The following PLEKHM2 variants were observed in gnomAD, a reference collection of about 807,000 sequenced individuals.
The protein encoded by PLEKHM2 is pleckstrin homology and RUN domain containing M2.
Under a neutral mutation model 116.3 loss-of-function variants are expected in PLEKHM2, and 77 were observed. The ratio of observed to expected loss-of-function variants is 0.66; its 90% confidence interval spans 0.55 to 0.80. PLEKHM2 has a LOEUF of 0.80. PLEKHM2 is among the 30% of genes least tolerant of loss of function. The pLI is 0.00. For synonymous variants in PLEKHM2, 562 were observed against 571.0 expected, an observed-to-expected ratio of 0.98 and a Z score of 0.22; for missense variants, 1,183 against 1,354.9, an observed-to-expected ratio of 0.87 and a Z score of 1.99.
Position 15,729,089 on chromosome 1 carries a change from T to A in PLEKHM2, c.1987-13T>A. ...TAAGCCCCAAGTGCATGTCACGGTG[T>A]GGTTTCTGGCAGGTTGGCCTTGACC... is the stretch of plus-strand genomic sequence containing the variant. On this transcript the variant is annotated splice_polypyrimidine_tract_variant and intron_variant, in intron 12 of 19. Coordinates refer to ENST00000375799, the MANE Select transcript of PLEKHM2 (RefSeq NM_015164.4). The surrounding 1 kb of genome is among the most constrained non-coding windows in gnomAD (Gnocchi z 4.7). 6.2e-7 allele frequency: 1 copy of A among 1,602,620 alleles called. No individual in the cohort carries two copies. The highest frequency in any genetic ancestry group is 8.5e-7 in the Non-Finnish European group (1 of 1,174,638).
intron 7 of PLEKHM2, among the ~76,000 whole-genome samples, chr1:15,724,858 C>T (rs566147978): frequency 6.6e-6 from 1 of 152,164 alleles, no homozygotes; most frequent in African/African-American, 2.4e-5. Flanking sequence ...CTCAGCCCTA[C>T]AAGTGGGGTA....
At chr1:15,726,052 G>A (rs1474511423) in intron 8 of PLEKHM2, among the ~76,000 whole-genome samples, 1 of 152,108 alleles carries the variant, frequency 6.6e-6, no homozygotes, top group African/African-American at 2.4e-5. Flanking sequence ...TCACTCCATT[G>A]TAGGGCTCAA....
At chr1:15,717,377 A>G (rs1286052333) in intron 3 of PLEKHM2, among the ~76,000 whole-genome samples, 1 of 152,170 alleles carries the variant, frequency 6.6e-6, no homozygotes, top group African/African-American at 2.4e-5. Context: ...TCACACCACT[A>G]TACTCCAGCC....
At chr1:15,717,726 C>A (rs1365978073) in intron 3 of PLEKHM2, among the ~76,000 whole-genome samples, 167 bp from the exon 4 acceptor site, 2 of 152,224 alleles carry the variant, frequency 1.3e-5, no homozygotes. Context: ...TGAGGTCTGA[C>A]TAGGAAAATA....
At chr1:15,724,735 T>C (rs888196212) in intron 7 of PLEKHM2, among the ~76,000 whole-genome samples, 2 of 152,194 alleles carry the variant, frequency 1.3e-5, no homozygotes, top group African/African-American at 2.4e-5. Flanking sequence ...TCCTGTCTCC[T>C]AGCCTCTGCC....
At chr1:15,686,359 C>G (rs1640768344) in intron 1 of PLEKHM2, among the ~76,000 whole-genome samples, 2 of 152,166 alleles carry the variant, frequency 1.3e-5, no homozygotes, top group Admixed American at 1.3e-4. Flanking sequence ...GAATCCCCGC[C>G]CTGCCAAATT....
At chr1:15,701,512 G>A (rs937308122) in intron 1 of PLEKHM2, among the ~76,000 whole-genome samples, 7 of 152,042 alleles carry the variant, frequency 4.6e-5, no homozygotes, top group African/African-American at 1.4e-4. Flanking sequence ...CCAGCTGGCC[G>A]GGCACGGTGG....
chr1:15,692,638 GTGTTGCTAAGGC>G (rs1640911100), intron 1 of PLEKHM2, among the ~76,000 whole-genome samples: 1 of 152,162 alleles, frequency 6.6e-6, no homozygotes, highest in African/African-American at 2.4e-5. Flanking sequence ...GAGTCTCCCT[GTGTTGCTAAGGC>G]TGGTCTTGAA....
In PLEKHM2 at chr1:15,729,280, A is replaced by G; in HGVS notation, c.2075+90A>G. 2 of 1,050,094 alleles carry G rather than the reference A, an allele frequency of 1.9e-6. No individual in the cohort carries two copies. The highest frequency in any genetic ancestry group is 2.0e-5 in the Admixed American group (1 of 50,350). 65.0% of individuals were successfully genotyped at this position (1,050,094 alleles called of 1,614,324 possible). On this transcript the variant is annotated intron_variant, in intron 13 of 19. Transcript: ENST00000375799. This position sits in a 1 kb window ranked among gnomAD's most constrained non-coding sequence, Gnocchi z 4.7. ...GCCTGGGGGTCAGGGGTGGAGGTGG[A>G]AAGTGGGAGATCCAGGAGGGGAAAC...
At chr1:15,701,010 G>A (rs907750489) in intron 1 of PLEKHM2, among the ~76,000 whole-genome samples, 1 of 151,844 alleles carries the variant, frequency 6.6e-6, no homozygotes, top group Non-Finnish European at 1.5e-5. Flanking sequence ...CTACTCAGGA[G>A]GCTGAGGCAG....
In PLEKHM2 at chr1:15,729,042, G is replaced by A; in HGVS notation, c.1987-60G>A. 6.7e-7 allele frequency: 1 copy of A among 1,484,156 alleles called. No individual in the cohort carries two copies. Among genetic ancestry groups the A allele is most frequent in the Non-Finnish European group, 9.2e-7 (1 of 1,083,302 alleles). 91.9% of individuals were successfully genotyped at this position (1,484,156 alleles called of 1,614,324 possible). A position where few individuals can be genotyped will look rare whatever the true frequency, so the allele number is the denominator to read the frequency against. On this transcript the variant is annotated intron_variant, in intron 12 of 19. Coordinates refer to ENST00000375799, the MANE Select transcript of PLEKHM2 (RefSeq NM_015164.4). The surrounding 1 kb of genome is among the most constrained non-coding windows in gnomAD (Gnocchi z 4.7). The stretch of plus-strand genomic sequence containing the variant: ...AGCAAGCGCTCAGCCTGGCCAAGCT[G>A]CCTTCTCCGCCAGGCAGCAGCTAAG...
At position 15,721,620 on chromosome 1, in the gene PLEKHM2, G is replaced by A. The variant is rs1271012775; in HGVS notation, c.712+232G>A. ...TCCTGCCTTTGCTCAGTGGCCTTTC[G>A]GAGTCACTAAGTGGCTGCATTTCGG... On this transcript the variant is annotated intron_variant, in intron 7 of 19. Coordinates refer to ENST00000375799, the MANE Select transcript of PLEKHM2 (RefSeq NM_015164.4). The surrounding 1 kb of genome is among the most constrained non-coding windows in gnomAD (Gnocchi z 5.1). 1.3e-5 allele frequency among the ~76,000 whole-genome samples: 2 copies of A among 152,056 alleles called. No homozygotes were observed. The highest frequency in any genetic ancestry group is 1.5e-5 in the Non-Finnish European group (1 of 68,012).
chr1:15,694,535 T>C (rs978214416), intron 1 of PLEKHM2, among the ~76,000 whole-genome samples: 3 of 152,048 alleles, frequency 2.0e-5, no homozygotes, highest in Non-Finnish European at 4.4e-5. Flanking sequence ...TCCTCCTTGG[T>C]GTTGCTCATT....
intron 1 of PLEKHM2, among the ~76,000 whole-genome samples, chr1:15,686,501 G>A (rs188642846): frequency 5.3e-5 from 8 of 152,198 alleles, no homozygotes; most frequent in Admixed American, 5.2e-4. Flanking sequence ...TTGTTTTTGA[G>A]ACAGAGTCTT....
In PLEKHM2 at chr1:15,728,630, G is replaced by A. The variant is rs368906492; in HGVS notation, c.1922-39G>A. On this transcript the variant is annotated intron_variant, in intron 11 of 19. Coordinates refer to ENST00000375799, the MANE Select transcript of PLEKHM2 (RefSeq NM_015164.4). This position sits in a 1 kb window ranked among gnomAD's most constrained non-coding sequence, Gnocchi z 5.9. ...AATGGGGCAGGGGGAGGGAAAAGAG[G>A]CCTGTGGGGATAATAGGCCTTGGGG... 2.3e-5 allele frequency: 36 copies of A among 1,556,846 alleles called. No individual in the cohort carries two copies. Among genetic ancestry groups the A allele is most frequent in the African/African-American group, 1.1e-4 (8 of 73,732 alleles).
intron 7 of PLEKHM2, chr1:15,722,807 T>G (rs2068012680): frequency 6.6e-6 from 1 of 152,192 alleles, no homozygotes; most frequent in Admixed American, 6.5e-5. Flanking sequence ...CCCCTCTTCT[T>G]GCAGCACACA....
Position 15,716,349 on chromosome 1 carries a change from G to T in PLEKHM2, c.167+6G>T. On this transcript the variant is annotated splice_donor_region_variant and intron_variant, in intron 2 of 19. Coordinates refer to ENST00000375799, the MANE Select transcript of PLEKHM2 (RefSeq NM_015164.4). Reference sequence around the variant, plus strand: ...GACCACGCCCTGCTGTACGGGTAAGGTGGAGGAAGTTTCCAAAGATGACGG... The same window carrying T: ...GACCACGCCCTGCTGTACGGGTAAGTTGGAGGAAGTTTCCAAAGATGACGG... 6.4e-7 allele frequency: 1 copy of T among 1,558,660 alleles called. No homozygotes were observed. The highest frequency in any genetic ancestry group is 8.8e-7 in the Non-Finnish European group (1 of 1,141,908).
At chr1:15,730,975 C>A (rs1025140213) in intron 15 of PLEKHM2, among the ~76,000 whole-genome samples, 1 of 152,190 alleles carries the variant, frequency 6.6e-6, no homozygotes, top group African/African-American at 2.4e-5. Context: ...CCCCGATGAA[C>A]CTTGAGCTGC....
intron 5 of PLEKHM2, among the ~76,000 whole-genome samples, chr1:15,718,892 G>A (rs1641502516): frequency 6.6e-6 from 1 of 152,168 alleles, no homozygotes; most frequent in Non-Finnish European, 1.5e-5. Flanking sequence ...ATTGCCTGGA[G>A]TATCTTAGCC....
Sources: gnomAD v4.1 joint callset for allele counts (sites outside exome capture counted in the v4.1 genomes callset) on GRCh38, gnomAD v4.1.1 for gene constraint, Gnocchi (gnomAD v3.1) non-coding constraint, MANE v1.5 for transcripts, NCBI Gene and HGNC (gene_info 2026-07-23, HGNC 2026-07-21) for gene names.